The following DHRS7B variants were observed in gnomAD, a reference collection of about 807,000 sequenced individuals.
DHRS7B encodes the protein dehydrogenase/reductase 7B.
DHRS7B carries 24 observed loss-of-function variants against 26.4 expected under a neutral mutation model. The ratio of observed to expected loss-of-function variants is 0.91; its 90% confidence interval spans 0.66 to 1.28. The LOEUF (loss-of-function observed/expected upper bound fraction) is 1.28, where lower values mean the gene tolerates loss of function less well. Among genes scored for constraint, DHRS7B ranks in the 50% most tolerant of loss-of-function variants. DHRS7B has a pLI of 0.00. For missense variants in DHRS7B, 368 were observed against 419.4 expected, an observed-to-expected ratio of 0.88 and a Z score of 1.07; for synonymous variants, 142 against 166.4, an observed-to-expected ratio of 0.85 and a Z score of 1.13.
Position 21,132,074 on chromosome 17 carries a change from G to C in DHRS7B, c.20+5083G>C, listed in dbSNP as rs543241740. On this transcript the variant is annotated intron_variant, in intron 1 of 6. Coordinates refer to ENST00000395511, the MANE Select transcript of DHRS7B (RefSeq NM_015510.5). ...CTTCAGACAAACTAAATTCAACAGA[G>C]TTTAACTGAACAAAGAATGATTTGC... is the stretch of plus-strand genomic sequence containing the variant. 2.6e-5 allele frequency among the ~76,000 whole-genome samples: 4 copies of C among 152,302 alleles called. No individual in the cohort carries two copies. The South Asian group carries it at 6.2e-4, about 24-fold the overall frequency.
chr17:21,137,070 A>G (rs976636708), intron 1 of DHRS7B, among the ~76,000 whole-genome samples: 5 of 149,116 alleles, frequency 3.4e-5, no homozygotes, highest in African/African-American at 1.2e-4. Flanking sequence ...CCCAGGGTTC[A>G]TGCAGTTCTC....
rs895917954 is a variant in DHRS7B at position 21,149,219 on chromosome 17, GA to G, written c.20+22238del. On this transcript the variant is annotated intron_variant, in intron 1 of 6. Coordinates refer to ENST00000395511, the MANE Select transcript of DHRS7B (RefSeq NM_015510.5). ...GAACGATATTTTCAAAGTGCTGAAAGAAAAAAAAAACCTGCCATTCAAAAAT... is the reference window on the plus strand; with the variant it reads ...GAACGATATTTTCAAAGTGCTGAAAGAAAAAAAAACCTGCCATTCAAAAAT... 1.4e-3 allele frequency among the ~76,000 whole-genome samples: 202 copies of G among 147,516 alleles called. 1 individual carries two copies. The highest frequency in any genetic ancestry group is 4.7e-3 in the African/African-American group (191 of 40,352).
intron 5 of DHRS7B, among the ~76,000 whole-genome samples, chr17:21,185,382 G>A (rs1451136976): frequency 1.3e-5 from 2 of 152,236 alleles, no homozygotes; most frequent in East Asian, 3.8e-4. Flanking sequence ...TGAACTGAGA[G>A]TGTAACACAG....
intron 1 of DHRS7B, among the ~76,000 whole-genome samples, chr17:21,164,030 C>CTTTTTTTCTTTTTTTTTTTT (rs1974055693): frequency 1.0e-5 from 1 of 96,976 alleles, no homozygotes; most frequent in African/African-American, 5.1e-5. Context: ...AATTGTTGTG[C>CTTTTTTTCTTTTTTTTTTTT]TTTTTTTTTT....
chr17:21,146,315 C>T (rs1236098289), intron 1 of DHRS7B, among the ~76,000 whole-genome samples: 2 of 152,168 alleles, frequency 1.3e-5, no homozygotes, highest in Non-Finnish European at 2.9e-5. Flanking sequence ...GTGAGAGGAT[C>T]ATTTGAGCCC....
chr17:21,161,063 T>C (rs1049910697), intron 1 of DHRS7B, among the ~76,000 whole-genome samples: 1 of 152,252 alleles, frequency 6.6e-6, no homozygotes. Flanking sequence ...GAGAGATGAA[T>C]AGGTGGAGCA....
intron 1 of DHRS7B, among the ~76,000 whole-genome samples, chr17:21,167,841 G>C (rs955913645): frequency 4.6e-5 from 7 of 152,156 alleles, no homozygotes; most frequent in Non-Finnish European, 1.0e-4. Flanking sequence ...GGTATAAAAT[G>C]CATGATTGAT....
intron 1 of DHRS7B, among the ~76,000 whole-genome samples, chr17:21,139,979 T>A (rs761747265): frequency 6.6e-6 from 1 of 151,300 alleles, no homozygotes; most frequent in African/African-American, 2.4e-5. Flanking sequence ...GTACATTTTG[T>A]AGATTCATAG....
chr17:21,143,619 G>A (rs1973575628), intron 1 of DHRS7B, among the ~76,000 whole-genome samples: 1 of 152,104 alleles, frequency 6.6e-6, no homozygotes, highest in Non-Finnish European at 1.5e-5. Context: ...CCTATCAATT[G>A]TCAAGTATTT....
At chr17:21,156,916 A>AG (rs1001296054) in intron 1 of DHRS7B, among the ~76,000 whole-genome samples, 16 of 151,738 alleles carry the variant, frequency 1.1e-4, no homozygotes, top group Non-Finnish European at 2.1e-4. Context: ...TGTCTCAAAA[A>AG]AAAAAAAAAA....
At chr17:21,166,532 T>G in intron 1 of DHRS7B, 2 of 846,778 alleles carry the variant, frequency 2.4e-6, no homozygotes, top group East Asian at 1.4e-4. Context: ...TTCTCAGACA[T>G]TTGAGACCAA....
Position 21,138,089 on chromosome 17 carries a change from T to TACACACAC in DHRS7B, c.20+11099_20+11100insCACACACA, listed in dbSNP as rs1567616081. On this transcript the variant is annotated intron_variant, in intron 1 of 6. Coordinates refer to ENST00000395511, the MANE Select transcript of DHRS7B (RefSeq NM_015510.5). The stretch of plus-strand genomic sequence containing the variant: ...TTTAAAAAAAAAATATATATATATA[T>TACACACAC]ATATATATATATACACACACACACA... Among the ~76,000 whole-genome samples the TACACACAC allele has an allele frequency of 9.9e-4, 57 of 57,528 alleles. 1 individual carries two copies. The highest frequency in any genetic ancestry group is 4.0e-3 in the African/African-American group (53 of 13,144). The allele number at this position is 57,528 out of a possible 152,430, so 37.7% of individuals were successfully genotyped here.
intron 3 of DHRS7B, among the ~76,000 whole-genome samples, chr17:21,182,265 GAGA>G (rs932720577): frequency 3.3e-5 from 5 of 151,112 alleles, no homozygotes; most frequent in Non-Finnish European, 7.4e-5. Flanking sequence ...TTCTTTTTTT[GAGA>G]AGGAGTTTTT....
intron 1 of DHRS7B, among the ~76,000 whole-genome samples, chr17:21,136,908 A>G (rs1289850454): frequency 6.6e-6 from 1 of 152,088 alleles, no homozygotes; most frequent in Non-Finnish European, 1.5e-5. Context: ...CCAAAACTTA[A>G]TAATAATATG....
intron 6 of DHRS7B, among the ~76,000 whole-genome samples, chr17:21,189,867 C>T (rs1413341621): frequency 6.6e-6 from 1 of 152,214 alleles, no homozygotes; most frequent in Admixed American, 6.5e-5. Flanking sequence ...ATCTGGACAA[C>T]TTAAGAGTGG....
At chr17:21,146,588 C>T (rs1597736446) in intron 1 of DHRS7B, among the ~76,000 whole-genome samples, 3 of 152,286 alleles carry the variant, frequency 2.0e-5, no homozygotes, top group Admixed American at 2.0e-4. Context: ...CTGGTTCCAA[C>T]AATAGTTTGC....
intron 1 of DHRS7B, among the ~76,000 whole-genome samples, chr17:21,148,866 C>A (rs1265473889): frequency 1.3e-5 from 2 of 152,022 alleles, no homozygotes; most frequent in East Asian, 3.9e-4. Context: ...TACTGGTGTT[C>A]AAGAGAGAGT....
intron 1 of DHRS7B, among the ~76,000 whole-genome samples, chr17:21,164,545 G>A (rs1430647724): frequency 6.6e-6 from 1 of 152,156 alleles, no homozygotes. Flanking sequence ...CAGTGGCCTC[G>A]GCCAGGTGCG....
At chr17:21,159,789 C>G (rs139496284) in intron 1 of DHRS7B, among the ~76,000 whole-genome samples, 38 of 147,342 alleles carry the variant, frequency 2.6e-4, no homozygotes, top group African/African-American at 9.3e-4. Flanking sequence ...CAGGAGAATC[C>G]CTTGAGACCA....
Sources: allele counts gnomAD v4.1 joint callset (sites outside exome capture counted in the v4.1 genomes callset), GRCh38; gene constraint gnomAD v4.1.1; transcripts MANE v1.5; gene names NCBI Gene and HGNC (gene_info 2026-07-23, HGNC 2026-07-21).